Variants in CYBRD1 observed in about 807,000 individuals in gnomAD.
CYBRD1 encodes plasma membrane ascorbate-dependent reductase CYBRD1.
In CYBRD1, 14 loss-of-function variants were observed where a neutral mutation model predicts 21.9. The observed-to-expected ratio is 0.64, with a 90% CI of 0.42 to 1.00. CYBRD1 has a LOEUF of 1.00. CYBRD1 is among the 50% of genes least tolerant of loss of function. The pLI is 0.00. For synonymous variants in CYBRD1, 146 were observed against 136.5 expected (o/e 1.07, Z -0.48); for missense variants, 328 against 352.5 (o/e 0.93, Z 0.56).
intron 1 of CYBRD1, among the ~76,000 whole-genome samples, chr2:171,537,848 T>C (rs1053388469): frequency 2.0e-5 from 3 of 152,186 alleles, no homozygotes. Flanking sequence ...AAAGAGAGGA[T>C]ATTGAATGTT....
At chr2:171,525,822 G>A (rs546156037) in intron 1 of CYBRD1, among the ~76,000 whole-genome samples, 24 of 152,034 alleles carry the variant, frequency 1.6e-4, no homozygotes, top group Admixed American at 1.3e-3. Flanking sequence ...GCTCTGGGCC[G>A]GCACAGTCCA....
intron 1 of CYBRD1, among the ~76,000 whole-genome samples, chr2:171,526,795 G>A (rs985563612): frequency 2.0e-5 from 3 of 152,158 alleles, no homozygotes; most frequent in Non-Finnish European, 2.9e-5. Flanking sequence ...TAGAAAATTC[G>A]GGTGTCTACA....
intron 1 of CYBRD1, among the ~76,000 whole-genome samples, chr2:171,538,509 C>T (rs1001418136): frequency 2.6e-5 from 4 of 152,160 alleles, no homozygotes; most frequent in Non-Finnish European, 4.4e-5. Context: ...AAAGTCTCCA[C>T]GTTCTCAAGG....
chr2:171,522,364 G>A, upstream of CYBRD1: 1 of 1,501,366 alleles, frequency 6.7e-7, no homozygotes. This position sits in a 1 kb window ranked among gnomAD's most constrained non-coding sequence, Gnocchi z 4.3. Flanking sequence ...CTGAGTTGGG[G>A]CCAGCTCCCC....
At chr2:171,525,657 C>T (rs1241311489) in intron 1 of CYBRD1, among the ~76,000 whole-genome samples, 1 of 152,088 alleles carries the variant, frequency 6.6e-6, no homozygotes, top group Non-Finnish European at 1.5e-5. Flanking sequence ...TTCTTCTCTT[C>T]TGTAATACAC....
chr2:171,539,045 G>C (rs1697589509), intron 1 of CYBRD1, among the ~76,000 whole-genome samples: 1 of 152,074 alleles, frequency 6.6e-6, no homozygotes, highest in Admixed American at 6.5e-5. Flanking sequence ...TGATCCACCT[G>C]CCTTGGCCTC....
In CYBRD1 at chr2:171,557,231, T is replaced by C. The variant is rs1437485180; in HGVS notation, c.*2404T>C. 1 of 152,290 alleles carries C rather than the reference T, an allele frequency of 6.6e-6. No homozygotes were observed. The highest frequency in any genetic ancestry group is 1.5e-5 in the Non-Finnish European group (1 of 68,024). 9.4% of individuals were successfully genotyped at this position (152,290 alleles called of 1,614,324 possible). Reference sequence around the variant, plus strand: ...TGTACCTTTATCTTTCAAAAGCTGATATTTCCTACCTAAGCATCTCCCGAG... The same window carrying C: ...TGTACCTTTATCTTTCAAAAGCTGACATTTCCTACCTAAGCATCTCCCGAG... On this transcript the variant is annotated 3_prime_UTR_variant, in exon 4 of 4. Coordinates refer to ENST00000321348, the MANE Select transcript of CYBRD1 (RefSeq NM_024843.4).
chr2:171,553,187 T>TTA (rs776678594), intron 2 of CYBRD1, among the ~76,000 whole-genome samples, 159 bp from the exon 3 acceptor site: 5 of 152,204 alleles, frequency 3.3e-5, no homozygotes, highest in Non-Finnish European at 7.3e-5. Context: ...ATAAAAGGGG[T>TTA]TACATTAGGT....
At position 171,541,606 on chromosome 2, in the gene CYBRD1, C is replaced by T. The variant is rs773778797; in HGVS notation, c.215C>T (p.Pro72Leu). The T allele has an allele frequency of 6.2e-6, 10 of 1,613,828 alleles. No homozygotes were observed. Among genetic ancestry groups the T allele is most frequent in the East Asian group, 2.2e-5 (1 of 44,848 alleles). ...QGIAIIVYRLPWTWKCSKLLM... is the reference protein window; with the variant it reads ...QGIAIIVYRLLWTWKCSKLLM... Reference sequence around the variant, plus strand: ...CTAGCCATCATCGTCTACAGACTGCCGTGGACCTGGAAATGCAGCAAGCTC... The same window carrying T: ...CTAGCCATCATCGTCTACAGACTGCTGTGGACCTGGAAATGCAGCAAGCTC... The change falls in exon 2 of 4, where the codon CCG becomes CTG. Residue 72 changes from proline to leucine, a missense_variant. Transcript: ENST00000321348.
intron 2 of CYBRD1, among the ~76,000 whole-genome samples, chr2:171,546,198 C>A (rs558886716): frequency 6.6e-6 from 1 of 152,164 alleles, no homozygotes; most frequent in African/African-American, 2.4e-5. Context: ...ATTAGGAAGA[C>A]CTCAGTTTGG....
At position 171,541,643 on chromosome 2, in the gene CYBRD1, C is replaced by G. The variant is rs1220842496; in HGVS notation, c.252C>G (p.Ser84=). The G allele has an allele frequency of 1.9e-6, 3 of 1,613,972 alleles. No homozygotes were observed. Among genetic ancestry groups the G allele is most frequent in the Non-Finnish European group, 1.7e-6 (2 of 1,179,994 alleles). The change falls in exon 2 of 4, where the codon TCC becomes TCG. Residue 84 remains serine (S), a synonymous_variant. Transcript: ENST00000321348. ...TWKCSKLLMK[S]IHAGLNAVAA... ...AATGCAGCAAGCTCCTGATGAAATC[C>G]ATCCATGCAGGGTTAAATGCAGTTG...
At chr2:171,549,299 G>A (rs1030097760) in intron 2 of CYBRD1, among the ~76,000 whole-genome samples, 19 of 152,138 alleles carry the variant, frequency 1.2e-4, no homozygotes, top group Admixed American at 1.1e-3. Flanking sequence ...GTCCAGGCTG[G>A]TCTCAAATTC....
At chr2:171,549,081 C>CTATT (rs56244729) in intron 2 of CYBRD1, among the ~76,000 whole-genome samples, 26,475 of 151,896 alleles carry the variant, frequency 0.17, 2,508 homozygotes, top group Non-Finnish European at 0.23. Flanking sequence ...CTATTCTATT[C>CTATT]TATTTATTTA....
At position 171,557,490 on chromosome 2, in the gene CYBRD1, G is replaced by A. The variant is rs1398859767; in HGVS notation, c.*2663G>A. ...AAAGCGTTTATTGAGAAACTCAAAT[G>A]AATATACTTTTTGAATTACTGTCAT... On this transcript the variant is annotated 3_prime_UTR_variant, in exon 4 of 4. Coordinates refer to ENST00000321348, the MANE Select transcript of CYBRD1 (RefSeq NM_024843.4). 1.3e-5 allele frequency: 2 copies of A among 152,184 alleles called. No individual in the cohort carries two copies. Among genetic ancestry groups the A allele is most frequent in the African/African-American group, 2.4e-5 (1 of 41,456 alleles). 9.4% of individuals were successfully genotyped at this position (152,184 alleles called of 1,614,324 possible).
chr2:171,538,496 C>T (rs950151384), intron 1 of CYBRD1, among the ~76,000 whole-genome samples: 9 of 152,036 alleles, frequency 5.9e-5, no homozygotes, highest in Admixed American at 5.9e-4. Context: ...AATGATTATC[C>T]AAAAAGTCTC....
intron 1 of CYBRD1, among the ~76,000 whole-genome samples, chr2:171,523,620 C>T (rs1207680341): frequency 2.6e-5 from 4 of 152,136 alleles, no homozygotes; most frequent in Non-Finnish European, 4.4e-5. Flanking sequence ...AAGCTGCGTC[C>T]GTGTTTGGCC....
intron 1 of CYBRD1, among the ~76,000 whole-genome samples, chr2:171,533,990 G>C (rs192383686): frequency 6.6e-6 from 1 of 152,102 alleles, no homozygotes; most frequent in East Asian, 1.9e-4. Context: ...ACAGGCGTGA[G>C]CCACCACACC....
chr2:171,533,088 C>T (rs528397738), intron 1 of CYBRD1, among the ~76,000 whole-genome samples: 20 of 152,116 alleles, frequency 1.3e-4, no homozygotes, highest in South Asian at 6.2e-4. Context: ...TTATTTGGGC[C>T]GGGCATGGTG....
intron 1 of CYBRD1, among the ~76,000 whole-genome samples, chr2:171,529,933 C>T (rs1029902514): frequency 1.7e-4 from 26 of 152,186 alleles, no homozygotes; most frequent in African/African-American, 6.0e-4. Flanking sequence ...GAAATAGGAT[C>T]TTTGCAGATG....
Sources: allele counts gnomAD v4.1 joint callset (sites outside exome capture counted in the v4.1 genomes callset), GRCh38; gene constraint gnomAD v4.1.1; non-coding constraint Gnocchi (gnomAD v3.1); transcripts MANE v1.5; gene names NCBI Gene and HGNC (gene_info 2026-07-23, HGNC 2026-07-21).